Variants in DYM observed in about 807,000 individuals in gnomAD.
The protein encoded by DYM is dyggve-Melchior-Clausen syndrome protein.
A neutral mutation model predicts 93.1 loss-of-function variants in DYM; 78 were observed. The ratio of observed to expected loss-of-function variants is 0.84; its 90% CI spans 0.70 to 1.01. The LOEUF is 1.01. Ranked by LOEUF, DYM falls within the 50% of genes least tolerant of loss-of-function variation. The pLI is 0.00. For synonymous variants in DYM, 321 were observed against 319.7 expected (o/e 1.00, Z -0.04); for missense variants, 789 against 845.0 (o/e 0.93, Z 0.82).
Position 49,369,352 on chromosome 18 carries a change from G to T in DYM, c.422-6119C>A, listed in dbSNP as rs142155696. On this transcript the variant is annotated intron_variant, in intron 5 of 17. Coordinates refer to ENST00000675505, the MANE Select transcript of DYM (RefSeq NM_001353214.3). ...TAACAGATCTCTAGTATTAAACTGG[G>T]AAGGGGGGTGGCCTCCTAACACATG... Among the ~76,000 whole-genome samples, 613 of 152,284 alleles carry T rather than the reference G, an allele frequency of 4.0e-3. 5 individuals carry two copies. Among genetic ancestry groups the T allele is most frequent in the African/African-American group, 0.014 (563 of 41,564 alleles).
rs572574678 is a variant in DYM, at chr18:49,246,678, A to G, written c.1460+10332T>C. 7.4e-4 allele frequency among the ~76,000 whole-genome samples: 113 copies of G among 152,360 alleles called. 2 individuals are homozygous for G. Among genetic ancestry groups the G allele is most frequent in the African/African-American group, 2.7e-3 (112 of 41,590 alleles). On this transcript the variant is annotated intron_variant, in intron 13 of 17. Transcript: ENST00000675505. Reference sequence around the variant, plus strand: ...GATCTTTAAAGGTCCTTCTAAGTCTATAATTTTATGACTTGTAAATAAGGC... The same window carrying G: ...GATCTTTAAAGGTCCTTCTAAGTCTGTAATTTTATGACTTGTAAATAAGGC...
chr18:49,106,647 T>G (rs539926422), intron 16 of DYM, among the ~76,000 whole-genome samples: 1 of 152,338 alleles, frequency 6.6e-6, no homozygotes, highest in African/African-American at 2.4e-5. Context: ...AAGGATTTTA[T>G]TTCTCCTTCA....
At chr18:49,056,709 T>G (rs896320510) in intron 17 of DYM, among the ~76,000 whole-genome samples, 2 of 151,820 alleles carry the variant, frequency 1.3e-5, no homozygotes, top group South Asian at 4.2e-4. Context: ...GGGTAATTTT[T>G]TTTTTTTTTT....
At chr18:49,293,438 C>CAATTTTAT (rs2060306813) in intron 8 of DYM, among the ~76,000 whole-genome samples, 1 of 152,186 alleles carries the variant, frequency 6.6e-6, no homozygotes, top group Non-Finnish European at 1.5e-5. Context: ...TTTACACTCC[C>CAATTTTAT]ACCAACAGTA....
At chr18:49,452,206 G>A (rs955626464) in intron 1 of DYM, among the ~76,000 whole-genome samples, 4 of 152,164 alleles carry the variant, frequency 2.6e-5, no homozygotes, top group South Asian at 2.1e-4. Context: ...TGGTGGGTTC[G>A]TGCTCTCGCT....
At chr18:49,202,784 C>A (rs866299664) in intron 14 of DYM, among the ~76,000 whole-genome samples, 1,826 of 37,702 alleles carry the variant, frequency 0.048, 173 homozygotes, top group African/African-American at 0.17. Context: ...AAGTGAGGAG[C>A]CCCTCCGCCC....
rs550653782 is a variant in DYM, at chr18:49,310,450, C to T, written c.763+21414G>A. Among the ~76,000 whole-genome samples, 19 of 150,742 alleles carry T rather than the reference C, an allele frequency of 1.3e-4. No homozygotes were observed. In the South Asian group the frequency reaches 2.3e-3, roughly 18 times the overall value. The stretch of plus-strand genomic sequence containing the variant: ...ACTTTCTGAGCACAAAAGATGCCCC[C>T]GCATGTGTAAAATTACATACCTGAA... On this transcript the variant is annotated intron_variant, in intron 8 of 17. Transcript: ENST00000675505.
chr18:49,097,874 GCT>G (rs61301668), intron 16 of DYM, among the ~76,000 whole-genome samples: 44,232 of 140,778 alleles, frequency 0.31, 6,928 homozygotes, highest in East Asian at 0.46. Flanking sequence ...CTTAATATTA[GCT>G]CTCTCTCTCT....
intron 1 of DYM, among the ~76,000 whole-genome samples, chr18:49,440,947 A>ATATAATATT (rs553107253): frequency 0.037 from 26 of 700 alleles, 10 homozygotes; most frequent in Admixed American, 0.1. Flanking sequence ...TATATAATAT[A>ATATAATATT]TTATATAAAT....
intron 8 of DYM, among the ~76,000 whole-genome samples, chr18:49,317,589 CTCTCTCTCCCCCCT>C (rs1568235861): frequency 5.4e-4 from 6 of 11,114 alleles, no homozygotes; most frequent in East Asian, 4.5e-3. Context: ...CTCTCTCTCT[CTCTCTCTCCCCCCT>C]CCCCCCTCCC....
intron 6 of DYM, among the ~76,000 whole-genome samples, chr18:49,358,546 C>A (rs2065758790): frequency 6.6e-6 from 1 of 152,110 alleles, no homozygotes; most frequent in South Asian, 2.1e-4. Flanking sequence ...TCAATCTATA[C>A]CTTACGAAAA....
intron 8 of DYM, among the ~76,000 whole-genome samples, chr18:49,312,550 A>G (rs1447492643): frequency 6.6e-6 from 1 of 152,222 alleles, no homozygotes; most frequent in Non-Finnish European, 1.5e-5. Flanking sequence ...AGGTAAAGGA[A>G]GCATCCCCTA....
chr18:49,306,855 G>C (rs948905201), intron 8 of DYM, among the ~76,000 whole-genome samples: 9 of 152,092 alleles, frequency 5.9e-5, no homozygotes, highest in African/African-American at 1.9e-4. Context: ...CTGTGTTTTT[G>C]TTTCTTCTAC....
intron 17 of DYM, among the ~76,000 whole-genome samples, chr18:49,081,843 C>G (rs1213888637): frequency 4.6e-5 from 7 of 152,208 alleles, no homozygotes; most frequent in Non-Finnish European, 8.8e-5. Flanking sequence ...CACCTCTGCT[C>G]TGTGTGCAGT....
At position 49,155,216 on chromosome 18, in the gene DYM, G is replaced by C. The variant is rs1022594229; in HGVS notation, c.1728+8469C>G. 5.5e-4 allele frequency among the ~76,000 whole-genome samples: 84 copies of C among 152,058 alleles called. 2 individuals carry two copies. The highest frequency in any genetic ancestry group is 2.5e-4 in the Non-Finnish European group (17 of 68,014). ...AAGTCAAATCACTCAAACATATTTTGCCTCCTTAAAATATTAATTATTTCA... is the reference window on the plus strand; with the variant it reads ...AAGTCAAATCACTCAAACATATTTTCCCTCCTTAAAATATTAATTATTTCA... On this transcript the variant is annotated intron_variant, in intron 15 of 17. Transcript: ENST00000675505.
intron 13 of DYM, among the ~76,000 whole-genome samples, chr18:49,217,720 C>T (rs942855623): frequency 3.9e-5 from 6 of 152,122 alleles, no homozygotes; most frequent in Non-Finnish European, 7.3e-5. Context: ...ATTTTCTCAC[C>T]ACCAGGCCTG....
chr18:49,292,592 G>GAA (rs72415237), intron 8 of DYM, among the ~76,000 whole-genome samples: 199 of 78,738 alleles, frequency 2.5e-3, no homozygotes, highest in Middle Eastern at 7.6e-3. Context: ...TTTCCTGTTG[G>GAA]AAAAAAAAAA....
intron 6 of DYM, among the ~76,000 whole-genome samples, chr18:49,337,653 GAAGA>G (rs2063771395): frequency 6.6e-6 from 1 of 152,198 alleles, no homozygotes; most frequent in South Asian, 2.1e-4. Flanking sequence ...AAAAAGGAGA[GAAGA>G]AAGAGAGGAG....
At chr18:49,430,584 G>A in intron 1 of DYM, 137 bp from the exon 2 acceptor site, 1 of 723,224 alleles carries the variant, frequency 1.4e-6, no homozygotes, top group East Asian at 3.0e-5. Flanking sequence ...CAGATACAAA[G>A]TTACAAGAAA....
Sources: allele counts gnomAD v4.1 joint callset (sites outside exome capture counted in the v4.1 genomes callset), GRCh38; gene constraint gnomAD v4.1.1; transcripts MANE v1.5; gene names NCBI Gene and HGNC (gene_info 2026-07-23, HGNC 2026-07-21).